LRCH3: variants seen among roughly 807,000 people sequenced by gnomAD.
LRCH3 encodes leucine rich repeats and calponin homology domain containing 3.
A neutral mutation model predicts 104.5 loss-of-function variants in LRCH3; 68 were observed. That is an observed-to-expected ratio of 0.65 (90% CI 0.54 to 0.80). The LOEUF is 0.80. LRCH3 is among the 30% of genes least tolerant of loss of function. The pLI is 0.00. For missense variants in LRCH3, 951 were observed against 953.9 expected (o/e 1.00, Z 0.04); for synonymous variants, 344 against 361.3 (o/e 0.95, Z 0.54).
intron 1 of LRCH3, among the ~76,000 whole-genome samples, chr3:197,800,705 A>G (rs1731784481): frequency 1.3e-5 from 2 of 152,212 alleles, no homozygotes; most frequent in South Asian, 4.1e-4. Flanking sequence ...ATACCAGGAT[A>G]TATAGTATGA....
chr3:197,850,327 A>C, intron 12 of LRCH3: 1 of 728,542 alleles, frequency 1.4e-6, no homozygotes, highest in Non-Finnish European at 2.3e-6. Context: ...TAATTCTCCC[A>C]ACTCTCTTTA....
chr3:197,835,801 ACAG>A lies in LRCH3; in HGVS notation c.1232_1234del (p.Gln411del), dbSNP rs1736710608. ...GTTCACAGTTTATGGCGTATATTGA[ACAG>A]CGGCGAATCTCTCATGAGGTAGTAC... On this transcript the variant is annotated inframe_deletion, in exon 9 of 21. Coordinates refer to ENST00000425562, the MANE Select transcript of LRCH3 (RefSeq NM_001365715.1). The A allele has an allele frequency of 6.2e-7, 1 of 1,614,028 alleles. No homozygotes were observed. The highest frequency in any genetic ancestry group is 1.3e-5 in the African/African-American group (1 of 74,918).
At chr3:197,859,566 T>C (rs1740647261) in intron 15 of LRCH3, 1 of 152,362 alleles carries the variant, frequency 6.6e-6, no homozygotes, top group African/African-American at 2.4e-5. Context: ...ACTCTAAAAA[T>C]TAAGAACCTG....
intron 8 of LRCH3, 103 bp from the exon 9 acceptor site, chr3:197,835,571 T>A: frequency 7.9e-7 from 1 of 1,268,598 alleles, no homozygotes; most frequent in Non-Finnish European, 1.0e-6. Context: ...AAATAGAAAA[T>A]CATGGGGAAA....
At position 197,887,504 on chromosome 3, in the gene LRCH3, C is replaced by T. The variant is rs1271812360; in HGVS notation, c.*3838C>T. 7.3e-6 allele frequency: 1 copy of T among 136,342 alleles called. No individual in the cohort carries two copies. Among genetic ancestry groups the T allele is most frequent in the African/African-American group, 2.9e-5 (1 of 33,910 alleles). 8.4% of individuals were successfully genotyped at this position (136,342 alleles called of 1,614,324 possible). A position where few individuals can be genotyped will look rare whatever the true frequency, so the allele number is the denominator to read the frequency against. ...ACAGTGTTGGGGGCTGAGAGCCCCC[C>T]AGCAGAGCCCTTCCCATCACTGAAC... On this transcript the variant is annotated 3_prime_UTR_variant, in exon 21 of 21. Transcript: ENST00000425562.
chr3:197,795,933 C>G (rs897763399), intron 1 of LRCH3, among the ~76,000 whole-genome samples: 3 of 151,798 alleles, frequency 2.0e-5, no homozygotes, highest in Non-Finnish European at 4.4e-5. Context: ...CCTTGTGATC[C>G]GCCCGCCTTG....
intron 11 of LRCH3, 67 bp downstream of exon 11, chr3:197,847,527 C>A: frequency 7.3e-7 from 1 of 1,374,356 alleles, no homozygotes; most frequent in Non-Finnish European, 1.0e-6. Context: ...TTTTATAATA[C>A]TTAAATTGCC....
At position 197,838,838 on chromosome 3, in the gene LRCH3, TGTATGA is replaced by T. The variant is rs1343830122; in HGVS notation, c.1252-476_1252-471del. On this transcript the variant is annotated intron_variant, in intron 9 of 20. Transcript: ENST00000425562. The stretch of plus-strand genomic sequence containing the variant: ...ATTCACCGACACACTCAAGACTGTT[TGTATGA>T]GTATGATAAGAGACAATTTGTTGTG... Among the ~76,000 whole-genome samples the T allele has an allele frequency of 3.9e-5, 6 of 152,332 alleles. No individual in the cohort carries two copies. In the East Asian group the frequency reaches 1.2e-3, roughly 29 times the overall value.
chr3:197,880,620 T>C, intron 20 of LRCH3: 4 of 1,536,824 alleles, frequency 2.6e-6, no homozygotes, highest in African/African-American at 1.4e-5. Context: ...CAGTTTTGTC[T>C]GTCTCTCTCT....
In LRCH3 at chr3:197,871,306, A is replaced by T; in HGVS notation, c.1993-19A>T. 6.3e-7 allele frequency: 1 copy of T among 1,589,132 alleles called. No individual in the cohort carries two copies. The highest frequency in any genetic ancestry group is 1.7e-4 in the Middle Eastern group (1 of 5,988). ...AGTCTTTCTTCAATTAATCTATTAC[A>T]TGTTTTTTGTTCTTTCAGCATATTG... On this transcript the variant is annotated intron_variant, in intron 18 of 20. Transcript: ENST00000425562.
At chr3:197,878,401 G>C (rs762113557) in intron 20 of LRCH3, among the ~76,000 whole-genome samples, 4 of 152,098 alleles carry the variant, frequency 2.6e-5, no homozygotes, top group Non-Finnish European at 5.9e-5. Flanking sequence ...GTTTGTTATG[G>C]GCCAGCCTGC....
intron 7 of LRCH3, among the ~76,000 whole-genome samples, chr3:197,831,488 A>C (rs192347804): frequency 6.6e-6 from 1 of 152,184 alleles, no homozygotes; most frequent in East Asian, 1.9e-4. Context: ...TTTACTGTGA[A>C]TTGAAACCAA....
chr3:197,869,828 T>C (rs1414212887), intron 17 of LRCH3, among the ~76,000 whole-genome samples: 1 of 144,784 alleles, frequency 6.9e-6, no homozygotes, highest in Non-Finnish European at 1.5e-5. Flanking sequence ...AGCGATGCAC[T>C]GTACCTGCAG....
intron 4 of LRCH3, among the ~76,000 whole-genome samples, chr3:197,822,235 T>G (rs1734575816): frequency 6.6e-6 from 1 of 152,146 alleles, no homozygotes; most frequent in African/African-American, 2.4e-5. Context: ...TTCCTTATTT[T>G]CTCCTGGTTC....
intron 4 of LRCH3, among the ~76,000 whole-genome samples, chr3:197,821,428 C>T (rs1734477785): frequency 6.6e-6 from 1 of 152,116 alleles, no homozygotes; most frequent in African/African-American, 2.4e-5. Flanking sequence ...TTTATGAGAT[C>T]CAGAATATAT....
intron 20 of LRCH3, chr3:197,881,019 C>T: frequency 8.2e-7 from 1 of 1,222,550 alleles, no homozygotes; most frequent in South Asian, 2.0e-5. Context: ...TAATACAATT[C>T]TGAACTTGTA....
At chr3:197,831,012 C>A (rs1735857531) in intron 7 of LRCH3, 149 bp downstream of exon 7, 3 of 623,878 alleles carry the variant, frequency 4.8e-6, no homozygotes, top group African/African-American at 3.7e-5. Context: ...CCCTCTCCAG[C>A]AGAATTGGCA....
chr3:197,844,921 C>T (rs984398897), intron 10 of LRCH3, among the ~76,000 whole-genome samples: 2 of 152,222 alleles, frequency 1.3e-5, no homozygotes, highest in East Asian at 1.9e-4. Flanking sequence ...CTGCACCCGG[C>T]CCTGCTGATA....
chr3:197,841,381 C>T (rs1459424624), intron 10 of LRCH3, among the ~76,000 whole-genome samples: 1 of 152,180 alleles, frequency 6.6e-6, no homozygotes, highest in East Asian at 1.9e-4. Context: ...CCAGGAATGA[C>T]AGGCCAAATC....
Sources: allele counts gnomAD v4.1 joint callset (sites outside exome capture counted in the v4.1 genomes callset), GRCh38; gene constraint gnomAD v4.1.1; transcripts MANE v1.5; gene names NCBI Gene and HGNC (gene_info 2026-07-23, HGNC 2026-07-21).